The following TSPAN9 variants were observed in gnomAD, a reference collection of about 807,000 sequenced individuals.
TSPAN9 encodes tetraspanin 9.
A neutral mutation model predicts 31.0 loss-of-function variants in TSPAN9; 16 were observed. That is an observed-to-expected ratio of 0.52 (90% confidence interval 0.35 to 0.78). The LOEUF is 0.78. Ranked by LOEUF, TSPAN9 falls within the 30% of genes least tolerant of loss-of-function variation. The probability of loss-of-function intolerance (pLI) is 0.01; values close to 1 mark genes in which losing one functional copy is unlikely to be tolerated. For synonymous variants in TSPAN9, 145 were observed against 121.6 expected (o/e 1.19, Z -1.27); for missense variants, 272 against 312.5 (o/e 0.87, Z 0.98).
In TSPAN9 at chr12:3,187,344, G is replaced by A. The variant is rs2098361955; in HGVS notation, c.-17-13833G>A. The stretch of plus-strand genomic sequence containing the variant: ...TAGCTGGGTAATCCTAAATGCATGA[G>A]TGTCCTCTCAGCCTGCTTCCTTCCT... On this transcript the variant is annotated intron_variant, in intron 2 of 8. Transcript: ENST00000011898. This position sits in a 1 kb window ranked among gnomAD's most constrained non-coding sequence, Gnocchi z 5.2. Among the ~76,000 whole-genome samples, 1 of 152,162 alleles carries A rather than the reference G, an allele frequency of 6.6e-6. No individual in the cohort carries two copies. The highest frequency in any genetic ancestry group is 2.4e-5 in the African/African-American group (1 of 41,432).
intron 3 of TSPAN9, among the ~76,000 whole-genome samples, chr12:3,233,504 T>A (rs1254482723): frequency 6.6e-6 from 1 of 152,232 alleles, no homozygotes; most frequent in East Asian, 1.9e-4. Flanking sequence ...TATAGTTGCA[T>A]GTGCTTCTGA....
At chr12:3,264,539 C>T (rs766098577) in intron 3 of TSPAN9, among the ~76,000 whole-genome samples, 3 of 152,190 alleles carry the variant, frequency 2.0e-5, no homozygotes, top group Non-Finnish European at 4.4e-5. Context: ...TCTGGGCAGA[C>T]GCTGCTGCAG....
chr12:3,143,279 ATATT>A lies in TSPAN9; in HGVS notation c.-17-57894_-17-57891del, dbSNP rs1429929856. Among the ~76,000 whole-genome samples the A allele has an allele frequency of 2.7e-5, 4 of 148,484 alleles. No individual in the cohort carries two copies. The highest frequency in any genetic ancestry group is 1.5e-5 in the Non-Finnish European group (1 of 67,306). On this transcript the variant is annotated intron_variant, in intron 2 of 8. Coordinates refer to ENST00000011898, the MANE Select transcript of TSPAN9 (RefSeq NM_006675.5). The surrounding 1 kb of genome is among the most constrained non-coding windows in gnomAD (Gnocchi z 4.2). ...ATAGTTATATTAATCATAATTAATA[ATATT>A]TATAATTATATTAATTATAATTAAT...
intron 3 of TSPAN9, among the ~76,000 whole-genome samples, chr12:3,228,289 C>T (rs1055415310): frequency 1.3e-5 from 2 of 152,168 alleles, no homozygotes; most frequent in Admixed American, 6.5e-5. Context: ...CACTTGAGCC[C>T]GGGAGATCGA....
chr12:3,206,465 C>A (rs1036741660), intron 3 of TSPAN9: 26 of 411,244 alleles, frequency 6.3e-5, no homozygotes, highest in Non-Finnish European at 1.0e-4. Flanking sequence ...CACCCAGAGC[C>A]CTGGTGGCCT....
intron 3 of TSPAN9, among the ~76,000 whole-genome samples, chr12:3,207,689 G>A (rs556413974): frequency 6.6e-6 from 1 of 152,132 alleles, no homozygotes; most frequent in Non-Finnish European, 1.5e-5. Flanking sequence ...AAGCCCTTGG[G>A]CAGGGGAGGC....
chr12:3,191,518 G>C (rs976380764), intron 2 of TSPAN9, among the ~76,000 whole-genome samples: 16 of 152,196 alleles, frequency 1.1e-4, no homozygotes, highest in African/African-American at 3.4e-4. Flanking sequence ...TGAGGAACCA[G>C]AGGTTGAGCA....
At chr12:3,104,161 G>A (rs2098313122) in intron 2 of TSPAN9, among the ~76,000 whole-genome samples, 1 of 152,080 alleles carries the variant, frequency 6.6e-6, no homozygotes, top group African/African-American at 2.4e-5. Flanking sequence ...TGAGCAAGGG[G>A]AAGGTCATGG....
In TSPAN9 at chr12:3,122,546, A is replaced by G. The variant is rs141195942; in HGVS notation, c.-18+38827A>G. ...AGTGCTGGGATTACAGGTGTGAGAT[A>G]CCACACCTGGCCCTGAGTTATTTCT... On this transcript the variant is annotated intron_variant, in intron 2 of 8. Transcript: ENST00000011898. Among the ~76,000 whole-genome samples, 51 of 152,022 alleles carry G rather than the reference A, an allele frequency of 3.4e-4. No homozygotes were observed. In the East Asian group the frequency reaches 6.9e-3, roughly 21 times the overall value.
intron 3 of TSPAN9, among the ~76,000 whole-genome samples, chr12:3,236,427 G>C (rs1453314571): frequency 2.0e-5 from 3 of 152,232 alleles, no homozygotes; most frequent in Non-Finnish European, 4.4e-5. Context: ...AGCTCAGAGA[G>C]GTTAGGTAAC....
In TSPAN9 at chr12:3,262,426, A is replaced by G. The variant is rs186300284; in HGVS notation, c.64-15995A>G. Among the ~76,000 whole-genome samples the G allele has an allele frequency of 5.8e-4, 86 of 149,296 alleles. 1 individual carries two copies. The East Asian group carries it at 0.011, about 20-fold the overall frequency. On this transcript the variant is annotated intron_variant, in intron 3 of 8. Coordinates refer to ENST00000011898, the MANE Select transcript of TSPAN9 (RefSeq NM_006675.5). ...AAGCAAGAGCAAATGTATTCCTCGG[A>G]TCTCATATGAAAATGTGTAGTAATC... is the stretch of plus-strand genomic sequence containing the variant.
intron 2 of TSPAN9, among the ~76,000 whole-genome samples, chr12:3,103,912 T>G (rs1177967500): frequency 6.6e-6 from 1 of 151,830 alleles, no homozygotes; most frequent in Non-Finnish European, 1.5e-5. Flanking sequence ...ACAATGAAAA[T>G]TGGTGTATAT....
rs548989993 is a variant in TSPAN9 at position 3,168,203 on chromosome 12, G to A, written c.-17-32974G>A. 1.6e-4 allele frequency among the ~76,000 whole-genome samples: 24 copies of A among 152,282 alleles called. No homozygotes were observed. Among genetic ancestry groups the A allele is most frequent in the African/African-American group, 5.8e-4 (24 of 41,548 alleles). On this transcript the variant is annotated intron_variant, in intron 2 of 8. Transcript: ENST00000011898. This position sits in a 1 kb window ranked among gnomAD's most constrained non-coding sequence, Gnocchi z 4.0. Reference sequence around the variant, plus strand: ...GGTCATCCTTGGCAGAGAATCATTCGCTCTTTTCTCTATCATGGGAAAAAT... The same window carrying A: ...GGTCATCCTTGGCAGAGAATCATTCACTCTTTTCTCTATCATGGGAAAAAT...
At chr12:3,104,932 G>A (rs2098313518) in intron 2 of TSPAN9, among the ~76,000 whole-genome samples, 1 of 152,220 alleles carries the variant, frequency 6.6e-6, no homozygotes, top group South Asian at 2.1e-4. Context: ...GGCGTGTGGG[G>A]GTGATGGGCA....
intron 3 of TSPAN9, among the ~76,000 whole-genome samples, chr12:3,269,083 TCC>T (rs1390216727): frequency 2.5e-5 from 2 of 78,874 alleles, no homozygotes; most frequent in African/African-American, 4.7e-5. Flanking sequence ...CAGCCTGCCC[TCC>T]CTGTGTTCCT....
chr12:3,108,210 G>A (rs1190312089), intron 2 of TSPAN9, among the ~76,000 whole-genome samples: 1 of 152,180 alleles, frequency 6.6e-6, no homozygotes, highest in Admixed American at 6.5e-5. Context: ...TGTGATAAAT[G>A]TATCACAGGG....
At chr12:3,278,949 C>T in intron 4 of TSPAN9, 43 bp from the exon 5 acceptor site, 1 of 1,600,750 alleles carries the variant, frequency 6.2e-7, no homozygotes, top group Non-Finnish European at 8.6e-7. Context: ...GTCCTCAGCC[C>T]TGCCCATTAC....
intron 2 of TSPAN9, among the ~76,000 whole-genome samples, chr12:3,102,118 CT>C (rs200562029): frequency 6.6e-6 from 1 of 151,146 alleles, no homozygotes; most frequent in Non-Finnish European, 1.5e-5. Flanking sequence ...TTCCCCCTGC[CT>C]TTTTTTCTTT....
At chr12:3,197,008 C>A (rs1235476054) in intron 2 of TSPAN9, among the ~76,000 whole-genome samples, 2 of 152,170 alleles carry the variant, frequency 1.3e-5, no homozygotes, top group African/African-American at 2.4e-5. Flanking sequence ...CCATCTGAGA[C>A]TGGTAGGATC....
Sources: allele counts gnomAD v4.1 joint callset (sites outside exome capture counted in the v4.1 genomes callset), GRCh38; gene constraint gnomAD v4.1.1; non-coding constraint Gnocchi (gnomAD v3.1); transcripts MANE v1.5; gene names NCBI Gene and HGNC (gene_info 2026-07-23, HGNC 2026-07-21).